CHRM3: variants seen among roughly 807,000 people sequenced by gnomAD.
CHRM3 encodes muscarinic acetylcholine receptor M3.
Under a neutral mutation model 41.8 loss-of-function variants are expected in CHRM3, and 11 were observed. That is an observed-to-expected ratio of 0.26 (90% CI 0.17 to 0.44). The LOEUF (loss-of-function observed/expected upper bound fraction) is 0.44, where lower values mean the gene tolerates loss of function less well. CHRM3 is among the 20% of genes least tolerant of loss of function. The probability of loss-of-function intolerance (pLI) is 1.00; values close to 1 mark genes in which losing one functional copy is unlikely to be tolerated. For missense variants in CHRM3, 571 were observed against 745.4 expected (o/e 0.77, Z 2.72); for synonymous variants, 297 against 301.4 (o/e 0.99, Z 0.15).
intron 6 of CHRM3, among the ~76,000 whole-genome samples, chr1:239,877,711 A>G (rs751550907): frequency 6.6e-6 from 1 of 151,558 alleles, no homozygotes; most frequent in Non-Finnish European, 1.5e-5. Context: ...GCTTCTTCTC[A>G]TGAGGGGAAA....
Position 239,828,279 on chromosome 1 carries a change from TAC to T in CHRM3, c.-20+907_-20+908del, listed in dbSNP as rs374814926. Among the ~76,000 whole-genome samples the T allele has an allele frequency of 2.4e-3, 363 of 152,148 alleles. 3 individuals carry two copies. Among genetic ancestry groups the T allele is most frequent in the African/African-American group, 8.6e-3 (355 of 41,510 alleles). ...ACATACACATAGATACATTCATAAA[TAC>T]ACACATAGACACATGCACATAAATA... On this transcript the variant is annotated intron_variant, in intron 6 of 6. Transcript: ENST00000676153.
At chr1:239,586,263 A>G (rs1325009766) in intron 3 of CHRM3, among the ~76,000 whole-genome samples, 1 of 151,948 alleles carries the variant, frequency 6.6e-6, no homozygotes, top group African/African-American at 2.4e-5. Flanking sequence ...TTTATTTTTT[A>G]TTTATTTTTT....
chr1:239,899,402 CACATAT>C (rs1276920554), intron 6 of CHRM3, among the ~76,000 whole-genome samples: 6 of 150,586 alleles, frequency 4.0e-5, no homozygotes, highest in Admixed American at 6.6e-5. Context: ...TACATATACA[CACATAT>C]ACATATATAC....
At chr1:239,389,873 A>G (rs1473333891) in intron 1 of CHRM3, among the ~76,000 whole-genome samples, 2 of 152,222 alleles carry the variant, frequency 1.3e-5, no homozygotes, top group Admixed American at 1.3e-4. Flanking sequence ...TCTTGTTTGC[A>G]GTGCCGGGAA....
At chr1:239,515,412 G>GTTT (rs66467909) in intron 2 of CHRM3, among the ~76,000 whole-genome samples, 1 of 136,014 alleles carries the variant, frequency 7.4e-6, no homozygotes. Flanking sequence ...TGTTTTTTTT[G>GTTT]TTTTTTTTTT....
chr1:239,706,734 G>A (rs1661219684), intron 5 of CHRM3, among the ~76,000 whole-genome samples: 1 of 148,840 alleles, frequency 6.7e-6, no homozygotes, highest in Admixed American at 6.7e-5. Flanking sequence ...ATGGAGGCAT[G>A]CACAGGCATG....
At position 239,915,280 on chromosome 1, in the gene CHRM3, C is replaced by A. The variant is rs770322260; in HGVS notation, c.*6056C>A. The A allele has an allele frequency of 1.1e-4, 18 of 167,084 alleles. No individual in the cohort carries two copies. The highest frequency in any genetic ancestry group is 2.2e-4 in the Non-Finnish European group (15 of 68,114). 10.4% of individuals were successfully genotyped at this position (167,084 alleles called of 1,614,324 possible). On this transcript the variant is annotated 3_prime_UTR_variant, in exon 7 of 7. Coordinates refer to ENST00000676153, the MANE Select transcript of CHRM3 (RefSeq NM_001375978.1). ...TTTACCTTTTTTTATTACCTCGTGG[C>A]CAGCACTTCCTCAGTAGGCATTTCA...
chr1:239,739,268 T>G (rs1664644281), intron 5 of CHRM3, among the ~76,000 whole-genome samples: 1 of 152,204 alleles, frequency 6.6e-6, no homozygotes, highest in African/African-American at 2.4e-5. Flanking sequence ...AAAACGGGCA[T>G]GCACTGAGTT....
At chr1:239,618,645 C>G (rs1177785098) in intron 3 of CHRM3, among the ~76,000 whole-genome samples, 8 of 151,322 alleles carry the variant, frequency 5.3e-5, no homozygotes, top group Non-Finnish European at 1.2e-4. Flanking sequence ...GAGATCGAGA[C>G]CATCCTGGCT....
intron 4 of CHRM3, among the ~76,000 whole-genome samples, chr1:239,662,028 T>G (rs1673242762): frequency 6.6e-6 from 1 of 151,244 alleles, no homozygotes; most frequent in Non-Finnish European, 1.5e-5. Context: ...AAAAACAGAA[T>G]AGAATAGAAT....
chr1:239,828,681 A>T (rs966747106), intron 6 of CHRM3, among the ~76,000 whole-genome samples: 3 of 151,998 alleles, frequency 2.0e-5, no homozygotes, highest in African/African-American at 7.2e-5. Flanking sequence ...ACAGTGGGCA[A>T]GGGGAGAGGG....
intron 2 of CHRM3, among the ~76,000 whole-genome samples, chr1:239,494,626 G>A (rs1350531613): frequency 6.6e-6 from 1 of 151,886 alleles, no homozygotes; most frequent in Non-Finnish European, 1.5e-5. Flanking sequence ...CTGGTGGTTT[G>A]CTGCACCTAT....
chr1:239,442,026 A>G (rs1469589270), intron 1 of CHRM3, among the ~76,000 whole-genome samples: 2 of 152,208 alleles, frequency 1.3e-5, no homozygotes, highest in African/African-American at 2.4e-5. Flanking sequence ...ACCACATACT[A>G]ATTTTCAAAA....
At chr1:239,851,156 A>G (rs1674665963) in intron 6 of CHRM3, among the ~76,000 whole-genome samples, 1 of 152,156 alleles carries the variant, frequency 6.6e-6, no homozygotes, top group Non-Finnish European at 1.5e-5. Flanking sequence ...TGCAAAAATG[A>G]AAAATTATGC....
rs1680515803 is a variant in CHRM3, at chr1:239,914,090, A to G, written c.*4866A>G. 6.0e-6 allele frequency: 1 copy of G among 167,110 alleles called. No individual in the cohort carries two copies. The highest frequency in any genetic ancestry group is 1.5e-5 in the Non-Finnish European group (1 of 68,114). 10.4% of individuals were successfully genotyped at this position (167,110 alleles called of 1,614,324 possible). A position where few individuals can be genotyped will look rare whatever the true frequency, so the allele number is the denominator to read the frequency against. Reference sequence around the variant, plus strand: ...GCATTAGTAAAACTTCCCGCACCCAAATTATAATCCGGCAACCCTAGCTTC... The same window carrying G: ...GCATTAGTAAAACTTCCCGCACCCAGATTATAATCCGGCAACCCTAGCTTC... On this transcript the variant is annotated 3_prime_UTR_variant, in exon 7 of 7. Transcript: ENST00000676153.
chr1:239,564,816 G>C (rs1661195604), intron 3 of CHRM3, among the ~76,000 whole-genome samples: 1 of 152,056 alleles, frequency 6.6e-6, no homozygotes, highest in African/African-American at 2.4e-5. Context: ...AGTTTGGAGG[G>C]AAAAAATAAT....
intron 4 of CHRM3, among the ~76,000 whole-genome samples, chr1:239,643,951 T>C (rs190746402): frequency 6.6e-6 from 1 of 152,352 alleles, no homozygotes; most frequent in East Asian, 1.9e-4. Flanking sequence ...TGATGCTTTA[T>C]AAGAACAAGT....
At position 239,894,723 on chromosome 1, in the gene CHRM3, G is replaced by A. The variant is rs536150804; in HGVS notation, c.-19-12710G>A. Among the ~76,000 whole-genome samples the A allele has an allele frequency of 2.0e-5, 3 of 151,906 alleles. No homozygotes were observed. In the South Asian group the frequency reaches 6.3e-4, roughly 32 times the overall value. ...GGTGGTATTACAGGCATGAGCCACCGCGCCCGACCGAGAAGTCTTCCATTT... is the reference window on the plus strand; with the variant it reads ...GGTGGTATTACAGGCATGAGCCACCACGCCCGACCGAGAAGTCTTCCATTT... On this transcript the variant is annotated intron_variant, in intron 6 of 6. Coordinates refer to ENST00000676153, the MANE Select transcript of CHRM3 (RefSeq NM_001375978.1).
intron 3 of CHRM3, among the ~76,000 whole-genome samples, chr1:239,570,610 T>C (rs1320293761): frequency 2.0e-5 from 3 of 152,162 alleles, no homozygotes. Context: ...TGCAGATTGG[T>C]TTTATTTGCT....
Sources: gnomAD v4.1 joint callset for allele counts (sites outside exome capture counted in the v4.1 genomes callset) on GRCh38, gnomAD v4.1.1 for gene constraint, MANE v1.5 for transcripts, NCBI Gene and HGNC (gene_info 2026-07-23, HGNC 2026-07-21) for gene names.